The following CCDC60 variants were observed in gnomAD, a reference collection of about 807,000 sequenced individuals.
CCDC60 encodes the protein coiled-coil domain containing 60.
CCDC60 carries 54 observed loss-of-function variants against 63.5 expected under a neutral mutation model. The observed-to-expected ratio is 0.85, with a 90% confidence interval of 0.68 to 1.07. CCDC60 has a LOEUF of 1.07. Among genes scored for constraint, CCDC60 ranks in the 50% least tolerant of loss-of-function variants. The pLI is 0.00. For synonymous variants in CCDC60, 206 were observed against 238.8 expected, an observed-to-expected ratio of 0.86 and a Z score of 1.27; for missense variants, 651 against 684.3, an observed-to-expected ratio of 0.95 and a Z score of 0.54.
At chr12:119,425,525 G>GTATAATATTATTTATAAT (rs1956884489) in intron 1 of CCDC60, among the ~76,000 whole-genome samples, 1 of 152,162 alleles carries the variant, frequency 6.6e-6, no homozygotes, top group Non-Finnish European at 1.5e-5. Flanking sequence ...AATTTAAGCT[G>GTATAATATTATTTATAAT]TTATAAATAA....
intron 1 of CCDC60, among the ~76,000 whole-genome samples, chr12:119,384,134 T>C (rs1271339090): frequency 6.6e-6 from 1 of 151,318 alleles, no homozygotes; most frequent in Non-Finnish European, 1.5e-5. Context: ...AGGTGGAGCT[T>C]GCAGTGAGCT....
intron 1 of CCDC60, among the ~76,000 whole-genome samples, chr12:119,361,056 G>C (rs1955784300): frequency 6.6e-6 from 1 of 152,138 alleles, no homozygotes; most frequent in South Asian, 2.1e-4. Flanking sequence ...GAATCAGGCA[G>C]GGAGGTTGCA....
At chr12:119,511,336 T>C (rs1034048203) in intron 7 of CCDC60, among the ~76,000 whole-genome samples, 1 of 152,226 alleles carries the variant, frequency 6.6e-6, no homozygotes, top group Admixed American at 6.5e-5. Flanking sequence ...GAAGTCTTTG[T>C]TGATGCAAAT....
intron 1 of CCDC60, among the ~76,000 whole-genome samples, chr12:119,384,714 A>G (rs1314916194): frequency 6.6e-6 from 1 of 152,188 alleles, no homozygotes; most frequent in East Asian, 1.9e-4. Context: ...CTTGTTGGAC[A>G]TCCTTAGGGC....
At chr12:119,515,849 T>C (rs151039096) in intron 7 of CCDC60, among the ~76,000 whole-genome samples, 170 of 152,324 alleles carry the variant, frequency 1.1e-3, no homozygotes, top group Non-Finnish European at 1.9e-3. Flanking sequence ...CCACATGGAA[T>C]CAAATAAAAC....
At chr12:119,407,594 T>C (rs1956517252) in intron 1 of CCDC60, among the ~76,000 whole-genome samples, 1 of 152,222 alleles carries the variant, frequency 6.6e-6, no homozygotes, top group African/African-American at 2.4e-5. Context: ...TGCATGCATA[T>C]GTACCAATTA....
chr12:119,415,766 G>C (rs989947118), intron 1 of CCDC60, among the ~76,000 whole-genome samples: 1 of 152,226 alleles, frequency 6.6e-6, no homozygotes, highest in Non-Finnish European at 1.5e-5. Flanking sequence ...GGGCCAGATG[G>C]TAACATTCTA....
intron 2 of CCDC60, among the ~76,000 whole-genome samples, chr12:119,439,150 CAAAAAAAAAAAAA>C (rs11317847): frequency 1.5e-4 from 11 of 72,282 alleles, no homozygotes; most frequent in South Asian, 7.8e-4. Flanking sequence ...CTTTTCTGGG[CAAAAAAAAAAAAA>C]AAAAAAAAAA....
chr12:119,527,666 C>CTTTTTTTTTTTTTTTTTTTTTTTTTTTTT (rs869099213), intron 11 of CCDC60, among the ~76,000 whole-genome samples: 15 of 84,974 alleles, frequency 1.8e-4, no homozygotes, highest in African/African-American at 2.0e-4. Flanking sequence ...TTCTTTCTTT[C>CTTTTTTTTTTTTTTTTTTTTTTTTTTTTT]TTTTTTTTTT....
chr12:119,358,422 G>T (rs1442260767), intron 1 of CCDC60, among the ~76,000 whole-genome samples: 1 of 152,058 alleles, frequency 6.6e-6, no homozygotes, highest in African/African-American at 2.4e-5. Flanking sequence ...CAGCAAGAAG[G>T]TTCCCACAAG....
At chr12:119,416,830 G>A (rs1956708074) in intron 1 of CCDC60, among the ~76,000 whole-genome samples, 1 of 152,038 alleles carries the variant, frequency 6.6e-6, no homozygotes, top group African/African-American at 2.4e-5. Flanking sequence ...TCTTTATAAA[G>A]AGATTCCCGG....
intron 3 of CCDC60, among the ~76,000 whole-genome samples, chr12:119,476,157 A>AT (rs1165280528): frequency 6.6e-6 from 1 of 152,154 alleles, no homozygotes; most frequent in Non-Finnish European, 1.5e-5. Flanking sequence ...GGAAAAAAAA[A>AT]TCAAGCACAT....
intron 1 of CCDC60, among the ~76,000 whole-genome samples, chr12:119,378,449 T>C (rs1287308083): frequency 3.3e-5 from 5 of 152,218 alleles, no homozygotes; most frequent in Admixed American, 3.3e-4. Flanking sequence ...ACCCTCACTA[T>C]CTGCCTAAAT....
At chr12:119,336,258 G>A (rs1955470350) in intron 1 of CCDC60, among the ~76,000 whole-genome samples, 1 of 152,056 alleles carries the variant, frequency 6.6e-6, no homozygotes, top group Non-Finnish European at 1.5e-5. Flanking sequence ...ACAAAAAAAG[G>A]AATTAGCCTC....
intron 3 of CCDC60, among the ~76,000 whole-genome samples, chr12:119,477,731 G>A (rs1158107489): frequency 3.9e-5 from 6 of 152,192 alleles, no homozygotes; most frequent in Admixed American, 3.9e-4. Flanking sequence ...TGTGTTTGGG[G>A]TAACTGAAGA....
chr12:119,437,642 G>A (rs1950351848), intron 2 of CCDC60, among the ~76,000 whole-genome samples: 1 of 152,118 alleles, frequency 6.6e-6, no homozygotes, highest in Non-Finnish European at 1.5e-5. Context: ...TTTACTGACC[G>A]CTCTCAGTCG....
intron 13 of CCDC60, among the ~76,000 whole-genome samples, chr12:119,538,075 A>G (rs1327569158): frequency 1.3e-5 from 2 of 152,342 alleles, no homozygotes; most frequent in South Asian, 4.1e-4. Context: ...GACTCCACCC[A>G]GTTCGAGCTT....
At chr12:119,534,638 T>C (rs1275263973) in intron 13 of CCDC60, among the ~76,000 whole-genome samples, 1 of 152,232 alleles carries the variant, frequency 6.6e-6, no homozygotes, top group Non-Finnish European at 1.5e-5. Flanking sequence ...GCTGTTGAAT[T>C]TTGTCAAAGG....
intron 2 of CCDC60, among the ~76,000 whole-genome samples, chr12:119,452,780 A>C (rs1250832431): frequency 6.6e-6 from 1 of 151,614 alleles, no homozygotes; most frequent in Non-Finnish European, 1.5e-5. Flanking sequence ...TCCCACAGCA[A>C]TTTTTTGGTA....
Sources: gnomAD v4.1 joint callset for allele counts (sites outside exome capture counted in the v4.1 genomes callset) on GRCh38, gnomAD v4.1.1 for gene constraint, MANE v1.5 for transcripts, NCBI Gene and HGNC (gene_info 2026-07-23, HGNC 2026-07-21) for gene names.